Variants in DTNA observed in about 807,000 individuals in gnomAD.
The protein encoded by DTNA is dystrophin-related protein 3.
In DTNA, 43 loss-of-function variants were observed where a neutral mutation model predicts 100.7. The ratio of observed to expected loss-of-function variants is 0.43; its 90% CI spans 0.33 to 0.55. The LOEUF (loss-of-function observed/expected upper bound fraction) is 0.55, where lower values mean the gene tolerates loss of function less well. DTNA is among the 20% of genes least tolerant of loss of function. The pLI is 0.04. For synonymous variants in DTNA, 349 were observed against 347.9 expected (o/e 1.00, Z -0.04); for missense variants, 798 against 953.9 (o/e 0.84, Z 2.15).
chr18:34,669,921 T>C (rs562359529), intron 1 of DTNA, among the ~76,000 whole-genome samples: 216 of 152,266 alleles, frequency 1.4e-3, no homozygotes, highest in African/African-American at 4.7e-3. Flanking sequence ...TTGCTCTTCT[T>C]GAGGAGTATC....
chr18:34,630,779 G>T (rs182464933), intron 1 of DTNA, among the ~76,000 whole-genome samples: 1 of 151,804 alleles, frequency 6.6e-6, no homozygotes, highest in Non-Finnish European at 1.5e-5. Flanking sequence ...GCAGATAAAT[G>T]ATAAATTTCA....
At chr18:34,769,234 T>G (rs1352956924) in intron 3 of DTNA, among the ~76,000 whole-genome samples, 1 of 152,216 alleles carries the variant, frequency 6.6e-6, no homozygotes, top group South Asian at 2.1e-4. Context: ...GCAACAGTTG[T>G]GATATTCAGA....
chr18:34,531,256 T>C (rs926492032), intron 1 of DTNA, among the ~76,000 whole-genome samples: 1 of 152,104 alleles, frequency 6.6e-6, no homozygotes, highest in Admixed American at 6.6e-5. Flanking sequence ...ACTGTTGAGA[T>C]AGGTAGAGGA....
intron 3 of DTNA, among the ~76,000 whole-genome samples, chr18:34,790,549 C>A (rs868345152): frequency 1.0e-5 from 1 of 96,204 alleles, no homozygotes; most frequent in Non-Finnish European, 1.9e-5. Context: ...AAGCAGCATA[C>A]TATATATATA....
At chr18:34,838,267 T>C in intron 12 of DTNA, 96 bp downstream of exon 12, 1 of 1,342,152 alleles carries the variant, frequency 7.5e-7, no homozygotes, top group African/African-American at 1.4e-5. Context: ...AAAGACTGTC[T>C]TTGATTCAGT....
rs1305201293 is a variant in DTNA, at chr18:34,888,098, C to A, written c.*364C>A. 1 of 985,742 alleles carries A rather than the reference C, an allele frequency of 1.0e-6. No individual in the cohort carries two copies. The highest frequency in any genetic ancestry group is 1.2e-6 in the Non-Finnish European group (1 of 829,954). 61.1% of individuals were successfully genotyped at this position (985,742 alleles called of 1,614,324 possible). On this transcript the variant is annotated 3_prime_UTR_variant, in exon 23 of 23. Transcript: ENST00000444659. Reference sequence around the variant, plus strand: ...AAAGCAAACAAACACAGGCTGAAAACCCATGCTGCTGTTATACACAATGGC... The same window carrying A: ...AAAGCAAACAAACACAGGCTGAAAAACCATGCTGCTGTTATACACAATGGC...
chr18:34,576,858 G>A (rs936524341), intron 1 of DTNA, among the ~76,000 whole-genome samples: 22 of 152,262 alleles, frequency 1.4e-4, no homozygotes, highest in Admixed American at 7.2e-4. Context: ...CCCATGTCTT[G>A]TCATGCGTGT....
chr18:34,525,033 C>T (rs1199328592), intron 1 of DTNA, among the ~76,000 whole-genome samples: 2 of 152,058 alleles, frequency 1.3e-5, no homozygotes, highest in African/African-American at 4.8e-5. Context: ...ATATTCAAAA[C>T]AAATTTGAAA....
chr18:34,742,096 G>A (rs774638814), intron 1 of DTNA, among the ~76,000 whole-genome samples: 11 of 152,138 alleles, frequency 7.2e-5, no homozygotes, highest in Non-Finnish European at 1.3e-4. Context: ...GGATTAGGGA[G>A]GTAGTGCAGC....
intron 1 of DTNA, among the ~76,000 whole-genome samples, chr18:34,534,153 C>T (rs2043441930): frequency 6.6e-6 from 1 of 151,906 alleles, no homozygotes; most frequent in Non-Finnish European, 1.5e-5. Context: ...TGAGACCAGC[C>T]TGGCCAACGT....
At chr18:34,506,781 T>C (rs62098463) in intron 1 of DTNA, among the ~76,000 whole-genome samples, 14,901 of 152,214 alleles carry the variant, frequency 0.098, 914 homozygotes, top group Non-Finnish European at 0.14. Flanking sequence ...CTAGCTGATT[T>C]GTCTTCTCTT....
intron 1 of DTNA, among the ~76,000 whole-genome samples, chr18:34,555,790 T>C (rs2045967309): frequency 6.6e-6 from 1 of 152,216 alleles, no homozygotes; most frequent in Non-Finnish European, 1.5e-5. Flanking sequence ...AGAGCTTTAC[T>C]TCCAAGTATG....
At chr18:34,772,520 C>G (rs953933864) in intron 3 of DTNA, among the ~76,000 whole-genome samples, 3 of 152,186 alleles carry the variant, frequency 2.0e-5, no homozygotes, top group Non-Finnish European at 4.4e-5. Context: ...CCACTAGATT[C>G]ATTTCTCACC....
intron 1 of DTNA, among the ~76,000 whole-genome samples, chr18:34,656,981 A>G (rs1245794408): frequency 6.6e-6 from 1 of 152,098 alleles, no homozygotes; most frequent in African/African-American, 2.4e-5. Context: ...GGCTCAAGCA[A>G]TTCTCATGCC....
chr18:34,583,195 C>T (rs1224520052), intron 1 of DTNA, among the ~76,000 whole-genome samples: 1 of 152,142 alleles, frequency 6.6e-6, no homozygotes, highest in East Asian at 1.9e-4. Context: ...AAAAGGATCT[C>T]CTTAGTCTAA....
At position 34,645,327 on chromosome 18, in the gene DTNA, CTTA is replaced by C. The variant is rs148367313; in HGVS notation, c.-1-110642_-1-110640del. Among the ~76,000 whole-genome samples the C allele has an allele frequency of 8.5e-3, 1,295 of 152,134 alleles. 6 individuals carry two copies. The highest frequency in any genetic ancestry group is 0.013 in the Non-Finnish European group (887 of 67,946). ...GCATATACCCACTAGGGCAGTGTTA[CTTA>C]TTATTAATAAGATTTTTGTATGGGT... is the stretch of plus-strand genomic sequence containing the variant. On this transcript the variant is annotated intron_variant, in intron 1 of 19. Transcript: ENST00000283365.
intron 7 of DTNA, among the ~76,000 whole-genome samples, chr18:34,817,464 A>T (rs1216012087): frequency 6.6e-6 from 1 of 152,092 alleles, no homozygotes; most frequent in African/African-American, 2.4e-5. Context: ...CCTGCTTTAT[A>T]ATTCAAATTT....
At chr18:34,869,483 G>A (rs979417736) in intron 17 of DTNA, among the ~76,000 whole-genome samples, 3 of 152,116 alleles carry the variant, frequency 2.0e-5, no homozygotes, top group Non-Finnish European at 4.4e-5. Context: ...GACAAGTCCA[G>A]TAAGTTTATA....
chr18:34,765,841 T>C, intron 2 of DTNA, 120 bp from the exon 3 acceptor site: 9 of 969,750 alleles, frequency 9.3e-6, no homozygotes, highest in Non-Finnish European at 1.4e-5. Flanking sequence ...GTTATATTTA[T>C]ATTCTAATAA....
Sources: allele counts gnomAD v4.1 joint callset (sites outside exome capture counted in the v4.1 genomes callset), GRCh38; gene constraint gnomAD v4.1.1; transcripts MANE v1.5; gene names NCBI Gene and HGNC (gene_info 2026-07-23, HGNC 2026-07-21).